The following INPP4A variants were observed in gnomAD, a reference collection of about 807,000 sequenced individuals.
The protein encoded by INPP4A is inositol polyphosphate-4-phosphatase, type I, 107kD.
In INPP4A, 33 loss-of-function variants were observed where a neutral mutation model predicts 119.8. The ratio of observed to expected loss-of-function variants is 0.28; its 90% CI spans 0.21 to 0.37. INPP4A has a LOEUF of 0.37. Ranked by LOEUF, INPP4A falls within the 10% of genes least tolerant of loss-of-function variation. The pLI is 1.00. For synonymous variants in INPP4A, 496 were observed against 500.7 expected, an observed-to-expected ratio of 0.99 and a Z score of 0.12; for missense variants, 956 against 1,289.9, an observed-to-expected ratio of 0.74 and a Z score of 3.97.
intron 10 of INPP4A, among the ~76,000 whole-genome samples, chr2:98,540,682 G>A (rs1372884671): frequency 1.3e-5 from 2 of 152,236 alleles, no homozygotes; most frequent in African/African-American, 4.8e-5. Flanking sequence ...CACAGCAAGA[G>A]CGCTCTTGAG....
At chr2:98,556,654 G>A (rs1204077862) in intron 16 of INPP4A, among the ~76,000 whole-genome samples, 2 of 152,230 alleles carry the variant, frequency 1.3e-5, no homozygotes, top group African/African-American at 2.4e-5. Context: ...GCCCAGATGT[G>A]CTGGGATTAA....
intron 13 of INPP4A, 183 bp from the exon 14 acceptor site, chr2:98,552,603 C>CAT (rs1172411118): frequency 1.4e-6 from 1 of 731,356 alleles, no homozygotes; most frequent in Admixed American, 1.8e-5. Flanking sequence ...AAGCTCCTGC[C>CAT]ATATAGACAG....
chr2:98,495,972 G>T (rs1681857527), intron 1 of INPP4A, among the ~76,000 whole-genome samples: 3 of 152,142 alleles, frequency 2.0e-5, no homozygotes, highest in Admixed American at 6.5e-5. Context: ...AAAATATTTT[G>T]ATTTCTTTCA....
At chr2:98,536,542 T>C (rs79043936) in intron 7 of INPP4A, among the ~76,000 whole-genome samples, 2,369 of 152,296 alleles carry the variant, frequency 0.016, 16 homozygotes, top group Middle Eastern at 0.034. Context: ...TTTTGTCTGC[T>C]TTGCTTCACT....
intron 1 of INPP4A, among the ~76,000 whole-genome samples, chr2:98,476,705 T>C (rs1677294469): frequency 6.6e-6 from 1 of 152,180 alleles, no homozygotes; most frequent in African/African-American, 2.4e-5. Context: ...GTGGTTTGCC[T>C]CATTCACCAT....
chr2:98,542,657 CT>C (rs1489116861), intron 10 of INPP4A, among the ~76,000 whole-genome samples: 1 of 152,020 alleles, frequency 6.6e-6, no homozygotes, highest in Non-Finnish European at 1.5e-5. Flanking sequence ...TTTGGTTATG[CT>C]TTTTGTTTTT....
chr2:98,587,917 TTGTC>T lies in INPP4A; in HGVS notation c.*312_*315del, dbSNP rs1250368491. On this transcript the variant is annotated 3_prime_UTR_variant, in exon 25 of 25. Transcript: ENST00000409851. ...GTTACCTACATGAATCAAGCTAGGTTTGTCTGAAATGCTAGAAGACTTTTTCAAA... is the reference window on the plus strand; with the variant it reads ...GTTACCTACATGAATCAAGCTAGGTTTGAAATGCTAGAAGACTTTTTCAAA... 3.9e-6 allele frequency: 1 copy of T among 256,524 alleles called. No individual in the cohort carries two copies. The highest frequency in any genetic ancestry group is 5.8e-5 in the East Asian group (1 of 17,242). The allele number at this position is 256,524 out of a possible 1,614,324, so 15.9% of individuals were successfully genotyped here.
chr2:98,463,201 AC>A (rs1673964590), intron 1 of INPP4A, among the ~76,000 whole-genome samples: 1 of 152,060 alleles, frequency 6.6e-6, no homozygotes, highest in Non-Finnish European at 1.5e-5. Context: ...GCTGCTTTTG[AC>A]CCCAGTTTCA....
chr2:98,541,289 T>C (rs1691398045), intron 10 of INPP4A, among the ~76,000 whole-genome samples: 2 of 150,322 alleles, frequency 1.3e-5, no homozygotes, highest in African/African-American at 2.5e-5. Context: ...ATCACGCCAC[T>C]GCACTCCAGC....
At chr2:98,448,405 T>C (rs1198122010) in intron 1 of INPP4A, among the ~76,000 whole-genome samples, 1 of 151,884 alleles carries the variant, frequency 6.6e-6, no homozygotes, top group African/African-American at 2.4e-5. Flanking sequence ...TAACACTATT[T>C]AGTGTACAGG....
At chr2:98,579,819 A>G (rs990113200) in intron 24 of INPP4A, among the ~76,000 whole-genome samples, 4 of 152,212 alleles carry the variant, frequency 2.6e-5, no homozygotes, top group Admixed American at 6.5e-5. Flanking sequence ...GTTTTCTGAA[A>G]TCTCTACAGT....
At chr2:98,449,414 C>T (rs1276055852) in intron 1 of INPP4A, among the ~76,000 whole-genome samples, 2 of 152,152 alleles carry the variant, frequency 1.3e-5, no homozygotes, top group Admixed American at 6.5e-5. Context: ...GTCCATTACT[C>T]CCATTATGCA....
intron 1 of INPP4A, among the ~76,000 whole-genome samples, chr2:98,471,126 G>T (rs1675922243): frequency 6.6e-6 from 1 of 152,196 alleles, no homozygotes; most frequent in African/African-American, 2.4e-5. Flanking sequence ...TTTAGCTGAG[G>T]GTGTTGGAGG....
intron 21 of INPP4A, among the ~76,000 whole-genome samples, chr2:98,568,186 A>T (rs1414730475): frequency 2.0e-5 from 3 of 152,148 alleles, no homozygotes; most frequent in Non-Finnish European, 2.9e-5. Context: ...AGATTGGAGT[A>T]CAGGGCTGCA....
intron 5 of INPP4A, 62 bp downstream of exon 5, chr2:98,533,557 C>T (rs1328963040): frequency 7.1e-6 from 7 of 983,848 alleles, no homozygotes; most frequent in Non-Finnish European, 1.1e-5. Flanking sequence ...GTCTCTTGTC[C>T]TGATGTTCAG....
chr2:98,527,234 A>G (rs965942132), intron 4 of INPP4A, among the ~76,000 whole-genome samples: 4 of 152,180 alleles, frequency 2.6e-5, no homozygotes, highest in Admixed American at 6.5e-5. Flanking sequence ...AGATCCTACA[A>G]AAAAGCCCCT....
chr2:98,526,941 G>A (rs1366737886), intron 4 of INPP4A, among the ~76,000 whole-genome samples: 2 of 152,222 alleles, frequency 1.3e-5, no homozygotes, highest in African/African-American at 2.4e-5. Flanking sequence ...ATCACCAAGG[G>A]GATGGCACTA....
At chr2:98,535,562 T>G (rs1690090367) in intron 5 of INPP4A, among the ~76,000 whole-genome samples, 167 bp from the exon 6 acceptor site, 1 of 152,216 alleles carries the variant, frequency 6.6e-6, no homozygotes, top group Non-Finnish European at 1.5e-5. Context: ...AGCAGAGTTT[T>G]TTTGTTTGTT....
intron 1 of INPP4A, among the ~76,000 whole-genome samples, chr2:98,464,970 A>G (rs1361304119): frequency 6.6e-6 from 1 of 152,180 alleles, no homozygotes; most frequent in African/African-American, 2.4e-5. Context: ...ACAGCTTTTG[A>G]GGATGGGTTG....
Sources: gnomAD v4.1 joint callset for allele counts (sites outside exome capture counted in the v4.1 genomes callset) on GRCh38, gnomAD v4.1.1 for gene constraint, MANE v1.5 for transcripts, NCBI Gene and HGNC (gene_info 2026-07-23, HGNC 2026-07-21) for gene names.